Variants in MTA1 observed in about 807,000 individuals in gnomAD.
MTA1 encodes metastasis-associated protein MTA1.
In MTA1, 15 loss-of-function variants were observed where a neutral mutation model predicts 97.0. The ratio of observed to expected loss-of-function variants is 0.15; its 90% confidence interval spans 0.10 to 0.24. The LOEUF is 0.24. MTA1 is among the 10% of genes least tolerant of loss of function. MTA1 has a pLI of 1.00. For synonymous variants in MTA1, 435 were observed against 417.5 expected, an observed-to-expected ratio of 1.04 and a Z score of -0.51; for missense variants, 709 against 1,015.1, an observed-to-expected ratio of 0.70 and a Z score of 4.10.
rs1555428253 is a variant in MTA1, at chr14:105,450,188, GC to G, written c.368+9del. On this transcript the variant is annotated splice_donor_5th_base_variant and intron_variant, in intron 5 of 20. Coordinates refer to ENST00000331320, the MANE Select transcript of MTA1 (RefSeq NM_004689.4). ...CTCTGCCCGCCACGCACATCAGGTA[GC>G]CCCCAGCAGCTCCCGCCCTGGGCCC... 6.2e-7 allele frequency: 1 copy of G among 1,612,712 alleles called. No individual in the cohort carries two copies. Among genetic ancestry groups the G allele is most frequent in the Non-Finnish European group, 8.5e-7 (1 of 1,179,656 alleles).
intron 10 of MTA1, among the ~76,000 whole-genome samples, chr14:105,462,851 A>G (rs1372733082): frequency 6.7e-6 from 1 of 150,360 alleles, no homozygotes; most frequent in Non-Finnish European, 1.5e-5. Context: ...CCTGGGTGAC[A>G]GAGCGAGACT....
At chr14:105,452,400 C>T (rs893956028) in intron 6 of MTA1, among the ~76,000 whole-genome samples, 15 of 152,062 alleles carry the variant, frequency 9.9e-5, no homozygotes, top group Non-Finnish European at 1.9e-4. Flanking sequence ...AGAAACAGGC[C>T]GGGTACAGTG....
chr14:105,442,661 T>G (rs1555426059), intron 2 of MTA1, among the ~76,000 whole-genome samples: 1 of 152,232 alleles, frequency 6.6e-6, no homozygotes, highest in Non-Finnish European at 1.5e-5. Context: ...ACCCCGAGTG[T>G]GACTGAGTCC....
intron 9 of MTA1, 79 bp downstream of exon 9, chr14:105,460,536 G>A (rs1555430785): frequency 2.1e-6 from 3 of 1,402,108 alleles, no homozygotes; most frequent in African/African-American, 2.9e-5. Flanking sequence ...TTCCTACCAG[G>A]GCCCAGCACC....
Position 105,445,458 on chromosome 14 carries a change from A to G in MTA1, c.137A>G (p.Tyr46Cys). The G allele has an allele frequency of 1.9e-6, 3 of 1,613,710 alleles. No homozygotes were observed. Among genetic ancestry groups the G allele is most frequent in the Non-Finnish European group, 2.5e-6 (3 of 1,179,976 alleles). Residue 46 changes from tyrosine (Y) to cysteine (C), a missense_variant, in exon 3 of 21, where the codon TAC (tyrosine) becomes TGC (cysteine). This residue lies in a region of MTA1 where 321 missense variants were observed against 593.5 expected (regional missense o/e 0.54). Coordinates refer to ENST00000331320, the MANE Select transcript of MTA1 (RefSeq NM_004689.4). ...GNVEAKVVCFYRRRDISSTLI... is the reference protein window; with the variant it reads ...GNVEAKVVCFCRRRDISSTLI... The stretch of plus-strand genomic sequence containing the variant: ...GTGGAGGCCAAAGTGGTGTGCTTCT[A>G]CCGGAGGCGGGACATCTCCAGCACC...
intron 1 of MTA1, among the ~76,000 whole-genome samples, chr14:105,437,279 ATGTGCCTGCAGGTG>A (rs2082357031): frequency 2.8e-5 from 1 of 36,040 alleles, no homozygotes; most frequent in Admixed American, 4.9e-4. Flanking sequence ...CCTCATGGGC[ATGTGCCTGCAGGTG>A]CGTCCTCATG....
chr14:105,435,060 G>A (rs2082289397), intron 1 of MTA1, among the ~76,000 whole-genome samples: 1 of 152,196 alleles, frequency 6.6e-6, no homozygotes, highest in African/African-American at 2.4e-5. Flanking sequence ...GATCTCAGCA[G>A]AAGCAGCCCT....
intron 7 of MTA1, 77 bp downstream of exon 7, chr14:105,454,387 CT>C: frequency 9.5e-7 from 1 of 1,048,888 alleles, no homozygotes; most frequent in Non-Finnish European, 1.5e-6. Context: ...TGAGAGGAGG[CT>C]GGGACATGGC....
rs1555428276 is a variant in MTA1 at position 105,450,243 on chromosome 14, C to T, written c.369-18C>T. 3 of 1,609,490 alleles carry T rather than the reference C, an allele frequency of 1.9e-6. No individual in the cohort carries two copies. Among genetic ancestry groups the T allele is most frequent in the East Asian group, 4.5e-5 (2 of 44,700 alleles). On this transcript the variant is annotated intron_variant, in intron 5 of 20. Transcript: ENST00000331320. ...GGGCTGCCCTCGCCTTTCCAGCCTG[C>T]CCGTCCTTCTCTTCCAGGGGCAAGT...
At chr14:105,447,702 G>A (rs1183918324) in intron 3 of MTA1, among the ~76,000 whole-genome samples, 2 of 152,202 alleles carry the variant, frequency 1.3e-5, no homozygotes, top group African/African-American at 4.8e-5. Flanking sequence ...TATGAACTGA[G>A]AGCCCAGCTG....
Position 105,463,990 on chromosome 14 carries a change from G to C in MTA1, c.1077-42G>C. 1 of 1,601,466 alleles carries C rather than the reference G, an allele frequency of 6.2e-7. No individual in the cohort carries two copies. Among genetic ancestry groups the C allele is most frequent in the South Asian group, 1.1e-5 (1 of 90,532 alleles). On this transcript the variant is annotated intron_variant, in intron 12 of 20. Transcript: ENST00000331320. This position sits in a 1 kb window ranked among gnomAD's most constrained non-coding sequence, Gnocchi z 5.9. ...CTGGGCACATGGGCCCTCGAGGTTT[G>C]TGCTCCTGCAACTCCTCTCGTCTCT...
rs181872710 is a variant in MTA1, at chr14:105,447,276, G to C, written c.190+1765G>C. Among the ~76,000 whole-genome samples, 962 of 152,358 alleles carry C rather than the reference G, an allele frequency of 6.3e-3. 28 individuals carry two copies. Among genetic ancestry groups the C allele is most frequent in the Admixed American group, 0.06 (917 of 15,308 alleles). ...GAGCGGCCGCAGTGTGGCCCTGCCA[G>C]TCTGTGTGGCCTGGGGAGTCAGGCG... On this transcript the variant is annotated intron_variant, in intron 3 of 20. Transcript: ENST00000331320.
intron 1 of MTA1, among the ~76,000 whole-genome samples, chr14:105,429,555 C>G (rs1463428438): frequency 2.0e-5 from 3 of 151,166 alleles, no homozygotes; most frequent in Admixed American, 2.0e-4. Flanking sequence ...AGGTTCACGC[C>G]ATTCTCTTGC....
In MTA1 at chr14:105,422,106, C is replaced by G. The variant is rs587614631; in HGVS notation, c.28+2043C>G. On this transcript the variant is annotated intron_variant, in intron 1 of 20. Coordinates refer to ENST00000331320, the MANE Select transcript of MTA1 (RefSeq NM_004689.4). The surrounding 1 kb of genome is among the most constrained non-coding windows in gnomAD (Gnocchi z 4.3). ...CGTGGTCACTGTGGCCGGGTGTGCT[C>G]GGAGCTGTCAGGCCCCCCACGTGCC... 6.6e-6 allele frequency among the ~76,000 whole-genome samples: 1 copy of G among 152,214 alleles called. No homozygotes were observed. The highest frequency in any genetic ancestry group is 2.4e-5 in the African/African-American group (1 of 41,464).
intron 1 of MTA1, among the ~76,000 whole-genome samples, chr14:105,436,515 G>C (rs587624303): frequency 6.6e-6 from 1 of 152,156 alleles, no homozygotes; most frequent in Non-Finnish European, 1.5e-5. Flanking sequence ...AAATTCTCAC[G>C]TCTTCCACAT....
chr14:105,445,520 G>A lies in MTA1; in HGVS notation c.190+9G>A, dbSNP rs1431263739. 5 of 1,612,938 alleles carry A rather than the reference G, an allele frequency of 3.1e-6. No individual in the cohort carries two copies. Among genetic ancestry groups the A allele is most frequent in the South Asian group, 2.2e-5 (2 of 91,050 alleles). ...GGCCGACAAGCACGCAAGTGAGTCC[G>A]GCCTTCCCTGGGGTGCCCGCCTGGC... On this transcript the variant is annotated intron_variant, in intron 3 of 20. Coordinates refer to ENST00000331320, the MANE Select transcript of MTA1 (RefSeq NM_004689.4).
At chr14:105,444,235 C>G (rs1388422358) in intron 2 of MTA1, among the ~76,000 whole-genome samples, 2 of 140,952 alleles carry the variant, frequency 1.4e-5, no homozygotes, top group Admixed American at 1.4e-4. Flanking sequence ...ATTAGCCGGG[C>G]GTGGTGGTGG....
intron 3 of MTA1, among the ~76,000 whole-genome samples, chr14:105,447,904 A>G (rs2082772826): frequency 6.6e-6 from 1 of 152,136 alleles, no homozygotes; most frequent in Admixed American, 6.5e-5. Context: ...AGCTGATCCC[A>G]GGGACAGGTG....
intron 2 of MTA1, among the ~76,000 whole-genome samples, chr14:105,440,823 G>A (rs1399404670): frequency 6.6e-6 from 1 of 152,258 alleles, no homozygotes; most frequent in South Asian, 2.1e-4. Flanking sequence ...TGCCCTCCAC[G>A]CCAAGGAGCT....
Sources: gnomAD v4.1 joint callset for allele counts (sites outside exome capture counted in the v4.1 genomes callset) on GRCh38, gnomAD v4.1.1 for gene constraint, gnomAD v4.1.1 regional missense constraint, Gnocchi (gnomAD v3.1) non-coding constraint, MANE v1.5 for transcripts, NCBI Gene and HGNC (gene_info 2026-07-23, HGNC 2026-07-21) for gene names.